Variants in ZNF329 observed in about 807,000 individuals in gnomAD.
ZNF329 encodes zinc finger protein 329.
A neutral mutation model predicts 26.6 loss-of-function variants in ZNF329; 15 were observed. The ratio of observed to expected loss-of-function variants is 0.56; its 90% CI spans 0.38 to 0.87. The LOEUF is 0.87. ZNF329 is among the 40% of genes least tolerant of loss of function. The probability of loss-of-function intolerance (pLI) is 0.00; values close to 1 mark genes in which losing one functional copy is unlikely to be tolerated. For synonymous variants in ZNF329, 239 were observed against 233.5 expected, an observed-to-expected ratio of 1.02 and a Z score of -0.21; for missense variants, 651 against 651.9, an observed-to-expected ratio of 1.00 and a Z score of 0.02.
At chr19:58,151,752 C>A (rs545962315), upstream of ZNF329, among the ~76,000 whole-genome samples, 1 of 151,986 alleles carries the variant, frequency 6.6e-6, no homozygotes, top group South Asian at 2.1e-4. Flanking sequence ...GAGATTGATA[C>A]ATAAGTAGTA....
chr19:58,134,447 G>A (rs925926067), intron 3 of ZNF329, among the ~76,000 whole-genome samples: 14 of 152,236 alleles, frequency 9.2e-5, no homozygotes, highest in African/African-American at 3.1e-4. Context: ...TGATGGGTCA[G>A]ATAAAGACTG....
Position 58,126,579 on chromosome 19 carries a change from AG to A in ZNF329, c.*1298del, listed in dbSNP as rs1437657545. 1 of 152,244 alleles carries A rather than the reference AG, an allele frequency of 6.6e-6. No homozygotes were observed. Among genetic ancestry groups the A allele is most frequent in the African/African-American group, 2.4e-5 (1 of 41,470 alleles). 9.4% of individuals were successfully genotyped at this position (152,244 alleles called of 1,614,324 possible). A position where few individuals can be genotyped will look rare whatever the true frequency, so the allele number is the denominator to read the frequency against. ...GGTGATAACATAAACATAACAACTC[AG>A]TATTTTTGCTTCAACAACTAAAGCA... On this transcript the variant is annotated 3_prime_UTR_variant, in exon 4 of 4. Coordinates refer to ENST00000598312, the MANE Select transcript of ZNF329 (RefSeq NM_024620.4).
intron 1 of ZNF329, among the ~76,000 whole-genome samples, chr19:58,144,701 T>A (rs1486843902): frequency 1.3e-5 from 2 of 150,904 alleles, no homozygotes; most frequent in East Asian, 3.9e-4. Context: ...GAATTTTTTT[T>A]TTTTTTTTTT....
upstream of ZNF329, among the ~76,000 whole-genome samples, chr19:58,153,302 G>T (rs1280017830): frequency 2.0e-5 from 3 of 152,100 alleles, no homozygotes; most frequent in Non-Finnish European, 4.4e-5. Flanking sequence ...TAGAGACAGG[G>T]TTTCACCTTG....
chr19:58,144,252 G>A (rs1351280407), intron 1 of ZNF329, among the ~76,000 whole-genome samples: 1 of 151,314 alleles, frequency 6.6e-6, no homozygotes, highest in East Asian at 2.0e-4. Context: ...TCAACTCACT[G>A]CAACCTCCGC....
chr19:58,131,980 G>A (rs376114091), intron 3 of ZNF329, among the ~76,000 whole-genome samples: 108 of 142,494 alleles, frequency 7.6e-4, no homozygotes, highest in Non-Finnish European at 1.1e-3. Flanking sequence ...CCGCGATAGC[G>A]CCACTGCACT....
At chr19:58,154,382 C>T (rs796402496), upstream of ZNF329, among the ~76,000 whole-genome samples, 12 of 152,274 alleles carry the variant, frequency 7.9e-5, 1 homozygote, top group African/African-American at 2.9e-4. Context: ...CTATGCCACA[C>T]AGCACTTGCG....
At chr19:58,130,956 C>T (rs566200727) in intron 3 of ZNF329, among the ~76,000 whole-genome samples, 16 of 152,264 alleles carry the variant, frequency 1.1e-4, no homozygotes, top group African/African-American at 3.9e-4. Context: ...AATTATCCCA[C>T]CTCAGCCTCC....
intron 1 of ZNF329, among the ~76,000 whole-genome samples, chr19:58,148,616 G>A (rs2075380748): frequency 6.6e-6 from 1 of 152,096 alleles, no homozygotes; most frequent in African/African-American, 2.4e-5. Flanking sequence ...ACTTTGGGAG[G>A]CCAAGGCAGG....
intron 1 of ZNF329, among the ~76,000 whole-genome samples, chr19:58,145,339 G>A (rs1277075696): frequency 2.4e-5 from 1 of 41,030 alleles, no homozygotes; most frequent in Admixed American, 2.1e-4. Context: ...TTTTTTTTTT[G>A]GAGACAGTGC....
chr19:58,144,818 G>A (rs1347183445), intron 1 of ZNF329, among the ~76,000 whole-genome samples: 4 of 150,392 alleles, frequency 2.7e-5, no homozygotes, highest in African/African-American at 9.8e-5. Flanking sequence ...ATGACCATAG[G>A]AGTATGCCAT....
chr19:58,141,954 G>A (rs1421283683), intron 3 of ZNF329, among the ~76,000 whole-genome samples: 1 of 151,982 alleles, frequency 6.6e-6, no homozygotes, highest in Non-Finnish European at 1.5e-5. Context: ...CCAGCTACTA[G>A]GGAGGCTGAG....
Position 58,128,016 on chromosome 19 carries a change from A to G in ZNF329, c.1488T>C (p.Ser496=). The change falls in exon 4 of 4, where the codon TCT becomes TCC. Residue 496 remains serine (S), a synonymous_variant. Transcript: ENST00000598312. The part of the protein sequence containing the change: ...PECGKSFKQN[S]HLAVHQRLHS... ...GGAGTCTCTGATGTACTGCCAGGTG[A>G]GAGTTCTGCTTGAAGGACTTCCCAC... is the stretch of plus-strand genomic sequence containing the variant. The G allele has an allele frequency of 6.2e-7, 1 of 1,613,970 alleles. No homozygotes were observed. Among genetic ancestry groups the G allele is most frequent in the East Asian group, 2.2e-5 (1 of 44,866 alleles).
intron 3 of ZNF329, among the ~76,000 whole-genome samples, chr19:58,140,225 T>A (rs372982160): frequency 6.6e-6 from 1 of 152,150 alleles, no homozygotes; most frequent in Non-Finnish European, 1.5e-5. Flanking sequence ...AATGAATTAG[T>A]GCCCCCAGAA....
intron 1 of ZNF329, 109 bp downstream of exon 1, chr19:58,150,643 G>T (rs1447869836): frequency 6.5e-6 from 1 of 152,892 alleles, no homozygotes; most frequent in African/African-American, 2.4e-5. Flanking sequence ...ACCCACCCGC[G>T]GACGCGCCCC....
chr19:58,148,552 A>C (rs2075379132), intron 1 of ZNF329, among the ~76,000 whole-genome samples: 1 of 152,100 alleles, frequency 6.6e-6, no homozygotes, highest in Non-Finnish European at 1.5e-5. Flanking sequence ...TTTTGTTTAA[A>C]TGTTCAAATG....
At chr19:58,132,626 G>T (rs1483190859) in intron 3 of ZNF329, 1 of 144,750 alleles carries the variant, frequency 6.9e-6, no homozygotes, top group African/African-American at 2.6e-5. Flanking sequence ...GTTGCAGTGA[G>T]ACAAGATTAT....
intron 3 of ZNF329, among the ~76,000 whole-genome samples, chr19:58,131,971 C>T (rs146804826): frequency 0.018 from 2,743 of 149,298 alleles, 81 homozygotes; most frequent in African/African-American, 0.063. Context: ...TGCAGTGAGC[C>T]GCGATAGCGC....
At chr19:58,136,322 C>G (rs115506198) in intron 3 of ZNF329, among the ~76,000 whole-genome samples, 3,695 of 151,966 alleles carry the variant, frequency 0.024, 155 homozygotes, top group African/African-American at 0.084. Flanking sequence ...AATGAGAATG[C>G]AGAATGCAGC....
Sources: allele counts gnomAD v4.1 joint callset (sites outside exome capture counted in the v4.1 genomes callset), GRCh38; gene constraint gnomAD v4.1.1; transcripts MANE v1.5; gene names NCBI Gene and HGNC (gene_info 2026-07-23, HGNC 2026-07-21).